The following PDE8A variants were observed in gnomAD, a reference collection of about 807,000 sequenced individuals.
PDE8A encodes phosphodiesterase 8A, also known as high affinity cAMP-specific and IBMX-insensitive 3',5'-cyclic phosphodiesterase 8A.
In PDE8A, 59 loss-of-function variants were observed where a neutral mutation model predicts 105.0. The observed-to-expected ratio is 0.56, with a 90% CI of 0.46 to 0.70. The LOEUF (loss-of-function observed/expected upper bound fraction) is 0.70. Among genes scored for constraint, PDE8A ranks in the 30% least tolerant of loss-of-function variants. PDE8A has a pLI of 0.00. For synonymous variants in PDE8A, 355 were observed against 371.9 expected, an observed-to-expected ratio of 0.95 and a Z score of 0.52; for missense variants, 1,014 against 1,045.9, an observed-to-expected ratio of 0.97 and a Z score of 0.42.
Position 85,137,918 on chromosome 15 carries a change from C to T in PDE8A, c.*15C>T, listed in dbSNP as rs2082438423. On this transcript the variant is annotated 3_prime_UTR_variant, in exon 22 of 22. Coordinates refer to ENST00000394553, the MANE Select transcript of PDE8A (RefSeq NM_002605.3). ...CTCCTGAATAGTGGGAGACACCACC[C>T]AGAGCCCTGAAGCTTTGTTCCTTCG... is the stretch of plus-strand genomic sequence containing the variant. The T allele has an allele frequency of 4.0e-6, 6 of 1,483,416 alleles. No individual in the cohort carries two copies. The highest frequency in any genetic ancestry group is 3.8e-6 in the Non-Finnish European group (4 of 1,060,996). The allele number at this position is 1,483,416 out of a possible 1,614,324, so 91.9% of individuals were successfully genotyped here.
chr15:85,040,654 G>C (rs555014040), intron 1 of PDE8A, among the ~76,000 whole-genome samples: 1 of 148,504 alleles, frequency 6.7e-6, no homozygotes, highest in Non-Finnish European at 1.5e-5. Flanking sequence ...TCTGCCTCCC[G>C]GGTTCACGCC....
chr15:85,017,758 G>T lies in PDE8A; in HGVS notation c.186+35410G>T, dbSNP rs142483294. Among the ~76,000 whole-genome samples the T allele has an allele frequency of 4.5e-3, 689 of 151,880 alleles. 10 individuals carry two copies. The highest frequency in any genetic ancestry group is 0.016 in the African/African-American group (655 of 41,398). On this transcript the variant is annotated intron_variant, in intron 1 of 21. Coordinates refer to ENST00000394553, the MANE Select transcript of PDE8A (RefSeq NM_002605.3). ...AAATATTAGCCGGGTGTGGTGGTGG[G>T]CACCTGTAATCCCAGCTACTAGGGA...
At chr15:85,101,228 T>G (rs4843019) in intron 11 of PDE8A, among the ~76,000 whole-genome samples, 31,497 of 152,154 alleles carry the variant, frequency 0.21, 4,287 homozygotes, top group Middle Eastern at 0.32. Context: ...ACAGTTTTTA[T>G]GGGTGCCCCA....
At chr15:85,004,295 A>G (rs1427749587) in intron 1 of PDE8A, among the ~76,000 whole-genome samples, 1 of 152,190 alleles carries the variant, frequency 6.6e-6, no homozygotes, top group Non-Finnish European at 1.5e-5. Flanking sequence ...AGTAATAGAT[A>G]CATAACCCAG....
chr15:84,993,169 C>T (rs372330150), intron 1 of PDE8A, among the ~76,000 whole-genome samples: 45 of 152,232 alleles, frequency 3.0e-4, no homozygotes, highest in South Asian at 1.2e-3. Flanking sequence ...ATCGGCTGGG[C>T]GTGGTGGCTC....
At chr15:85,006,247 A>G (rs998484307) in intron 1 of PDE8A, among the ~76,000 whole-genome samples, 12 of 152,170 alleles carry the variant, frequency 7.9e-5, no homozygotes, top group Admixed American at 7.9e-4. Flanking sequence ...CATGTACCCT[A>G]AAACTTAAAG....
intron 11 of PDE8A, among the ~76,000 whole-genome samples, chr15:85,104,030 A>G (rs2081908438): frequency 6.6e-6 from 1 of 152,222 alleles, no homozygotes; most frequent in Admixed American, 6.5e-5. Flanking sequence ...AAAGAGTAAT[A>G]AAATCCCAAT....
At chr15:85,133,624 T>G (rs2082360577) in intron 20 of PDE8A, among the ~76,000 whole-genome samples, 1 of 152,214 alleles carries the variant, frequency 6.6e-6, no homozygotes, top group African/African-American at 2.4e-5. Context: ...TTAGCCAGTC[T>G]CTCATTTCAT....
At chr15:85,129,876 T>C (rs2141645420) in intron 20 of PDE8A, among the ~76,000 whole-genome samples, 1 of 152,366 alleles carries the variant, frequency 6.6e-6, no homozygotes, top group South Asian at 2.1e-4. Context: ...GTGTGCTTCA[T>C]TTTCATTTGT....
chr15:85,011,717 G>A (rs1213281342), intron 1 of PDE8A, among the ~76,000 whole-genome samples: 3 of 152,256 alleles, frequency 2.0e-5, no homozygotes, highest in Admixed American at 2.0e-4. Context: ...AAACTAAAGA[G>A]CTTCTGCACA....
At position 85,113,277 on chromosome 15, in the gene PDE8A, C is replaced by T. The variant is rs982308324; in HGVS notation, c.1115-100C>T. 4.2e-6 allele frequency: 4 copies of T among 958,110 alleles called. No individual in the cohort carries two copies. In the African/African-American group the frequency reaches 4.8e-5, roughly 12 times the overall value. 59.4% of individuals were successfully genotyped at this position (958,110 alleles called of 1,614,324 possible). On this transcript the variant is annotated intron_variant, in intron 12 of 21. Transcript: ENST00000394553. Reference sequence around the variant, plus strand: ...GAAGCTCAGCAAACTCAGTTCTATCCTGCCCCTTCATCATGCAGCCGAGCA... The same window carrying T: ...GAAGCTCAGCAAACTCAGTTCTATCTTGCCCCTTCATCATGCAGCCGAGCA...
At chr15:85,018,099 A>G (rs1445860229) in intron 1 of PDE8A, among the ~76,000 whole-genome samples, 1 of 152,154 alleles carries the variant, frequency 6.6e-6, no homozygotes, top group Non-Finnish European at 1.5e-5. Flanking sequence ...TGAAAAGTAG[A>G]TTGTAGAGCA....
chr15:85,028,520 G>T (rs1044240125), intron 1 of PDE8A, among the ~76,000 whole-genome samples: 5 of 152,052 alleles, frequency 3.3e-5, no homozygotes, highest in African/African-American at 1.2e-4. Flanking sequence ...CGCCCAGCAT[G>T]GACATTTTGA....
chr15:85,039,218 G>A (rs1202553959), intron 1 of PDE8A, among the ~76,000 whole-genome samples: 1 of 152,084 alleles, frequency 6.6e-6, no homozygotes, highest in Non-Finnish European at 1.5e-5. Context: ...TTGAGCTCAG[G>A]AGTTCCAGAC....
Position 85,048,022 on chromosome 15 carries a change from C to G in PDE8A, c.187-16348C>G, listed in dbSNP as rs78360389. Among the ~76,000 whole-genome samples the G allele has an allele frequency of 9.6e-4, 146 of 152,184 alleles. 1 individual carries two copies. Among genetic ancestry groups the G allele is most frequent in the African/African-American group, 3.4e-3 (141 of 41,528 alleles). ...TATTTTGTGACAAAAAGGTTTTAGA[C>G]TATAGATTTTGCCTCTCATTATAAT... On this transcript the variant is annotated intron_variant, in intron 1 of 21. Transcript: ENST00000394553.
intron 1 of PDE8A, among the ~76,000 whole-genome samples, chr15:85,014,036 C>T (rs2080282610): frequency 6.6e-6 from 1 of 152,228 alleles, no homozygotes; most frequent in South Asian, 2.1e-4. Context: ...GTCAGTTCCA[C>T]TGTATTTTAT....
chr15:85,095,445 G>A (rs984447175), intron 8 of PDE8A, among the ~76,000 whole-genome samples: 1 of 152,128 alleles, frequency 6.6e-6, no homozygotes, highest in Non-Finnish European at 1.5e-5. Flanking sequence ...TCGGGTTGAA[G>A]CAATTCTCCT....
At chr15:85,032,996 A>G (rs556937280) in intron 1 of PDE8A, among the ~76,000 whole-genome samples, 12 of 152,304 alleles carry the variant, frequency 7.9e-5, no homozygotes, top group South Asian at 4.1e-4. Context: ...GCCTTTTTCT[A>G]TCTTCCCCAG....
chr15:85,080,720 T>A (rs1223829526), intron 5 of PDE8A, among the ~76,000 whole-genome samples: 12 of 152,190 alleles, frequency 7.9e-5, no homozygotes, highest in Non-Finnish European at 1.8e-4. Context: ...TATATTTTCT[T>A]AGTATTACTG....
Sources: allele counts gnomAD v4.1 joint callset (sites outside exome capture counted in the v4.1 genomes callset), GRCh38; gene constraint gnomAD v4.1.1; transcripts MANE v1.5; gene names NCBI Gene and HGNC (gene_info 2026-07-23, HGNC 2026-07-21).